FUT8: variants seen among roughly 807,000 people sequenced by gnomAD.
The protein encoded by FUT8 is alpha-(1,6)-fucosyltransferase.
Under a neutral mutation model 71.3 loss-of-function variants are expected in FUT8, and 29 were observed. The ratio of observed to expected loss-of-function variants is 0.41; its 90% CI spans 0.30 to 0.55. FUT8 has a LOEUF of 0.55. Among genes scored for constraint, FUT8 ranks in the 20% least tolerant of loss-of-function variants. The pLI is 0.34. For missense variants in FUT8, 544 were observed against 702.1 expected (o/e 0.77, Z 2.55); for synonymous variants, 254 against 239.3 (o/e 1.06, Z -0.57).
intron 2 of FUT8, among the ~76,000 whole-genome samples, chr14:65,539,320 C>T (rs1451186626): frequency 6.6e-6 from 1 of 152,192 alleles, no homozygotes; most frequent in African/African-American, 2.4e-5. Flanking sequence ...GTAATAATCC[C>T]TTGGTCAGCC....
upstream of FUT8, among the ~76,000 whole-genome samples, chr14:65,405,837 C>A (rs920358876): frequency 6.6e-6 from 1 of 152,242 alleles, no homozygotes; most frequent in Non-Finnish European, 1.5e-5. Flanking sequence ...GATTTTATAT[C>A]TAGGTGAGGC....
intron 6 of FUT8, among the ~76,000 whole-genome samples, chr14:65,654,164 C>T (rs1891545083): frequency 6.6e-6 from 1 of 152,078 alleles, no homozygotes; most frequent in Admixed American, 6.5e-5. Flanking sequence ...AAAACAATGT[C>T]ATAAAAGTGG....
intron 2 of FUT8, among the ~76,000 whole-genome samples, chr14:65,514,381 T>C (rs80040433): frequency 2.6e-5 from 4 of 151,570 alleles, no homozygotes; most frequent in East Asian, 3.9e-4. Flanking sequence ...CTACCAAGAT[T>C]GGTTGGGCAG....
At chr14:65,420,884 GA>G (rs1037893459) in intron 1 of FUT8, among the ~76,000 whole-genome samples, 5 of 152,190 alleles carry the variant, frequency 3.3e-5, no homozygotes, top group Admixed American at 2.6e-4. Flanking sequence ...GTAAGCTAGA[GA>G]AAAGAAAATG....
intron 3 of FUT8, among the ~76,000 whole-genome samples, chr14:65,592,290 A>T (rs1887733657): frequency 6.6e-6 from 1 of 152,086 alleles, no homozygotes; most frequent in Admixed American, 6.6e-5. Context: ...TAGACAAAAG[A>T]ATGACTAGAT....
intron 5 of FUT8, among the ~76,000 whole-genome samples, chr14:65,620,430 A>G (rs953371403): frequency 1.3e-5 from 2 of 152,226 alleles, no homozygotes; most frequent in African/African-American, 4.8e-5. Context: ...CTAATGTACA[A>G]AAAGACATTG....
chr14:65,542,417 C>T (rs1884727985), intron 2 of FUT8, among the ~76,000 whole-genome samples: 1 of 152,168 alleles, frequency 6.6e-6, no homozygotes, highest in Non-Finnish European at 1.5e-5. Flanking sequence ...GTGTATTTGT[C>T]TTTAGCATAT....
At chr14:65,629,464 C>A (rs774399014) in intron 5 of FUT8, 28 bp from the exon 6 acceptor site, 1 of 1,448,126 alleles carries the variant, frequency 6.9e-7, no homozygotes, top group South Asian at 1.1e-5. Context: ...CAGACAAGTT[C>A]GATCTCCATT....
At chr14:65,513,032 A>G (rs991278459) in intron 2 of FUT8, among the ~76,000 whole-genome samples, 1 of 152,094 alleles carries the variant, frequency 6.6e-6, no homozygotes, top group Admixed American at 6.5e-5. Flanking sequence ...ATGAGCTTAA[A>G]TTAGTGGAAT....
chr14:65,541,846 T>C lies in FUT8; in HGVS notation c.-227-19491T>C, dbSNP rs1200499446. On this transcript the variant is annotated intron_variant, in intron 2 of 10. Coordinates refer to ENST00000673929, the MANE Select transcript of FUT8 (RefSeq NM_001371533.1). ...TATTTGTGGTTTTCACTCACGAATA[T>C]AAAAATAATTGTGGGGTTGCCTGTC... is the stretch of plus-strand genomic sequence containing the variant. 2.0e-5 allele frequency among the ~76,000 whole-genome samples: 3 copies of C among 152,302 alleles called. No homozygotes were observed. In the South Asian group the frequency reaches 6.2e-4, roughly 32 times the overall value.
intron 3 of FUT8, among the ~76,000 whole-genome samples, chr14:65,578,248 G>A (rs1308123691): frequency 6.6e-6 from 1 of 151,884 alleles, no homozygotes; most frequent in African/African-American, 2.4e-5. Context: ...ATAACTTCTT[G>A]ATAATTGAAG....
At chr14:65,382,522 T>C in the FUT8 span, among the ~76,000 whole-genome samples, 1 of 152,198 alleles carries the variant, frequency 6.6e-6, no homozygotes, top group Middle Eastern at 3.4e-3. Context: ...ATGTTTTTAG[T>C]AAAGTTGGGA....
At chr14:65,427,182 C>T (rs895811178) in intron 1 of FUT8, among the ~76,000 whole-genome samples, 3 of 152,032 alleles carry the variant, frequency 2.0e-5, no homozygotes, top group Non-Finnish European at 1.5e-5. Flanking sequence ...ATTTTCTTTA[C>T]CCGTTTATCC....
intron 6 of FUT8, among the ~76,000 whole-genome samples, chr14:65,647,554 A>C (rs1891176263): frequency 6.6e-6 from 1 of 152,204 alleles, no homozygotes; most frequent in Non-Finnish European, 1.5e-5. Context: ...ACTGATAATC[A>C]GAGGTATGGG....
At chr14:65,425,097 G>A (rs1312947421) in intron 1 of FUT8, among the ~76,000 whole-genome samples, 3 of 151,102 alleles carry the variant, frequency 2.0e-5, no homozygotes, top group Non-Finnish European at 4.4e-5. Flanking sequence ...TCAAACCTGT[G>A]TTGTTCAAGT....
rs1307904451 is a variant in FUT8, at chr14:65,413,553, G to A, written c.-326+339G>A. Among the ~76,000 whole-genome samples the A allele has an allele frequency of 6.6e-6, 1 of 152,152 alleles. No homozygotes were observed. The highest frequency in any genetic ancestry group is 6.5e-5 in the Admixed American group (1 of 15,288). ...AGGGAAGGAGAAGGGTTGGGGGCGG[G>A]GGTGGGAGGTGTCCGTCGTTTCCCC... On this transcript the variant is annotated intron_variant, in intron 1 of 10. Coordinates refer to ENST00000673929, the MANE Select transcript of FUT8 (RefSeq NM_001371533.1). This position sits in a 1 kb window ranked among gnomAD's most constrained non-coding sequence, Gnocchi z 4.1.
Position 65,412,986 on chromosome 14 carries a change from T to A in FUT8, c.-554T>A, listed in dbSNP as rs1040476547. 2 of 153,004 alleles carry A rather than the reference T, an allele frequency of 1.3e-5. No individual in the cohort carries two copies. The highest frequency in any genetic ancestry group is 4.8e-5 in the African/African-American group (2 of 41,478). The allele number at this position is 153,004 out of a possible 1,614,324, so 9.5% of individuals were successfully genotyped here. ...CTCTCGGTCTCGCGCTGTCAGCGAC[T>A]GCCCGGCTCGCGCCGCCTCGCGCTC... is the stretch of plus-strand genomic sequence containing the variant. On this transcript the variant is annotated 5_prime_UTR_variant, in exon 1 of 11. Coordinates refer to ENST00000673929, the MANE Select transcript of FUT8 (RefSeq NM_001371533.1).
Position 65,721,966 on chromosome 14 carries a change from G to A in FUT8, c.1027G>A (p.Glu343Lys). ...KYLIRPQPWLEKEIEEATKKL... is the reference protein window; with the variant it reads ...KYLIRPQPWLKKEIEEATKKL... ...CTTGATCCGCCCACAGCCTTGGCTA[G>A]AAAAAGAAATAGAAGAAGCCACCAA... Residue 343 changes from glutamate to lysine, a missense_variant, in exon 8 of 11, where the codon GAA becomes AAA. Coordinates refer to ENST00000673929, the MANE Select transcript of FUT8 (RefSeq NM_001371533.1). The A allele has an allele frequency of 6.2e-7, 1 of 1,614,138 alleles. No individual in the cohort carries two copies. Among genetic ancestry groups the A allele is most frequent in the Non-Finnish European group, 8.5e-7 (1 of 1,180,020 alleles).
intron 7 of FUT8, among the ~76,000 whole-genome samples, chr14:65,706,050 T>G (rs1015621872): frequency 1.3e-5 from 2 of 152,252 alleles, no homozygotes; most frequent in East Asian, 3.8e-4. Context: ...TTCTGAGAAT[T>G]ACTTTGTGTC....
Sources: allele counts gnomAD v4.1 joint callset (sites outside exome capture counted in the v4.1 genomes callset), GRCh38; gene constraint gnomAD v4.1.1; non-coding constraint Gnocchi (gnomAD v3.1); transcripts MANE v1.5; gene names NCBI Gene and HGNC (gene_info 2026-07-23, HGNC 2026-07-21).